RASA3: variants seen among roughly 807,000 people sequenced by gnomAD.
RASA3 encodes the protein ras GTPase-activating protein 3.
Under a neutral mutation model 110.0 loss-of-function variants are expected in RASA3, and 73 were observed. That is an observed-to-expected ratio of 0.66 (90% confidence interval 0.55 to 0.81). The LOEUF is 0.81. Among genes scored for constraint, RASA3 ranks in the 30% least tolerant of loss-of-function variants. The probability of loss-of-function intolerance (pLI) is 0.00; values close to 1 mark genes in which losing one functional copy is unlikely to be tolerated. For synonymous variants in RASA3, 500 were observed against 451.4 expected (o/e 1.11, Z -1.37); for missense variants, 976 against 1,113.2 (o/e 0.88, Z 1.75).
chr13:114,020,028 CTGT>C lies in RASA3; in HGVS notation c.786-1112_786-1110del, dbSNP rs1291076990. Among the ~76,000 whole-genome samples the C allele has an allele frequency of 5.1e-4, 22 of 42,882 alleles. 8 individuals carry two copies. Among genetic ancestry groups the C allele is most frequent in the African/African-American group, 6.7e-4 (3 of 4,466 alleles). 28.1% of individuals were successfully genotyped at this position (42,882 alleles called of 152,430 possible). On this transcript the variant is annotated intron_variant, in intron 9 of 23. Transcript: ENST00000334062. ...GCCTGTGTCCGAGGCATTAGCAGCCCTGTCAGGTGGGTGGAGCCTGTGTCCGAG... is the reference window on the plus strand; with the variant it reads ...GCCTGTGTCCGAGGCATTAGCAGCCCCAGGTGGGTGGAGCCTGTGTCCGAG...
At chr13:114,009,143 T>C (rs2053577270) in intron 17 of RASA3, among the ~76,000 whole-genome samples, 1 of 152,206 alleles carries the variant, frequency 6.6e-6, no homozygotes, top group Non-Finnish European at 1.5e-5. Flanking sequence ...CAGAACAAGA[T>C]GGGCGAGGGC....
intron 1 of RASA3, among the ~76,000 whole-genome samples, chr13:114,102,158 C>A (rs960675559): frequency 6.6e-6 from 1 of 152,196 alleles, no homozygotes; most frequent in Non-Finnish European, 1.5e-5. Context: ...AGAGTGTCTT[C>A]TTCCAGTGCC....
At chr13:114,111,613 G>T (rs111874764) in intron 1 of RASA3, among the ~76,000 whole-genome samples, 6 of 146,586 alleles carry the variant, frequency 4.1e-5, no homozygotes, top group African/African-American at 1.3e-4. Context: ...CGAGCTGCAG[G>T]CCGAGTTCTA....
intron 1 of RASA3, among the ~76,000 whole-genome samples, chr13:114,098,418 C>A (rs1594451008): frequency 6.6e-6 from 1 of 152,240 alleles, no homozygotes; most frequent in East Asian, 1.9e-4. Context: ...TGCACCAGAG[C>A]CATGGGGGAA....
intron 1 of RASA3, among the ~76,000 whole-genome samples, chr13:114,129,990 TAAAG>T (rs142010532): frequency 0.015 from 2,266 of 152,260 alleles, 40 homozygotes; most frequent in African/African-American, 0.047. Flanking sequence ...GAATGTGGAT[TAAAG>T]AAAGAGCCTG....
In RASA3 at chr13:114,014,861, C is replaced by A. The variant is rs2053753352; in HGVS notation, c.1405+348G>T. ...CAGGAAAATTCACATTCCACCCCGA[C>A]AAAGCCTGGCCACCCTTCCCGGCCC... On this transcript the variant is annotated intron_variant, in intron 14 of 23. Coordinates refer to ENST00000334062, the MANE Select transcript of RASA3 (RefSeq NM_007368.4). This position sits in a 1 kb window ranked among gnomAD's most constrained non-coding sequence, Gnocchi z 4.5. Among the ~76,000 whole-genome samples, 1 of 152,054 alleles carries A rather than the reference C, an allele frequency of 6.6e-6. No homozygotes were observed. Among genetic ancestry groups the A allele is most frequent in the African/African-American group, 2.4e-5 (1 of 41,386 alleles).
At chr13:114,121,426 TC>T (rs753064231) in intron 1 of RASA3, among the ~76,000 whole-genome samples, 30 of 152,144 alleles carry the variant, frequency 2.0e-4, no homozygotes, top group Admixed American at 4.6e-4. Context: ...CTGCCACGGA[TC>T]TCGGCTAAAG....
intron 12 of RASA3, 128 bp from the exon 13 acceptor site, chr13:114,016,399 C>T (rs2053792888): frequency 1.4e-6 from 1 of 717,362 alleles, no homozygotes; most frequent in South Asian, 1.5e-5. Context: ...CACGACAGCT[C>T]CCCGAACCCG....
intron 21 of RASA3, 63 bp downstream of exon 21, chr13:113,996,468 A>C: frequency 6.7e-7 from 1 of 1,495,390 alleles, no homozygotes; most frequent in African/African-American, 1.4e-5. Flanking sequence ...GTCCCTCCCT[A>C]CTCAGCCCCT....
At chr13:114,041,448 T>C (rs1185892379) in intron 3 of RASA3, among the ~76,000 whole-genome samples, 1 of 152,264 alleles carries the variant, frequency 6.6e-6, no homozygotes, top group African/African-American at 2.4e-5. Flanking sequence ...TTCCAGAGGC[T>C]TCGCTGTGAA....
intron 7 of RASA3, 40 bp from the exon 8 acceptor site, chr13:114,024,395 C>G (rs1272408236): frequency 1.3e-6 from 2 of 1,591,048 alleles, no homozygotes; most frequent in Non-Finnish European, 1.7e-6. Flanking sequence ...GACCGCGGTG[C>G]CACCAGGCGG....
intron 2 of RASA3, among the ~76,000 whole-genome samples, 193 bp downstream of exon 2, chr13:114,073,527 G>C (rs2079613904): frequency 6.7e-6 from 1 of 149,882 alleles, no homozygotes; most frequent in African/African-American, 2.5e-5. Context: ...AGGAAAACGG[G>C]ACGGTGACGT....
chr13:114,043,389 C>T (rs1253334218), intron 3 of RASA3, among the ~76,000 whole-genome samples: 1 of 152,146 alleles, frequency 6.6e-6, no homozygotes, highest in African/African-American at 2.4e-5. Flanking sequence ...CCGGCTGCAC[C>T]TCACACCATC....
At chr13:114,032,268 T>TC (rs1332291405) in intron 4 of RASA3, among the ~76,000 whole-genome samples, 1 of 151,940 alleles carries the variant, frequency 6.6e-6, no homozygotes, top group Admixed American at 6.6e-5. Context: ...CCAGGAGGGG[T>TC]CATGCCTGTG....
intron 16 of RASA3, 132 bp from the exon 17 acceptor site, chr13:114,009,596 G>A (rs944639537): frequency 6.0e-6 from 4 of 666,956 alleles, no homozygotes; most frequent in African/African-American, 5.5e-5. Context: ...GGTGTTACCG[G>A]GCAAGTGAGA....
At chr13:114,089,624 C>T (rs886753174) in intron 1 of RASA3, among the ~76,000 whole-genome samples, 2 of 152,222 alleles carry the variant, frequency 1.3e-5, no homozygotes, top group African/African-American at 4.8e-5. Context: ...GCACAGACAT[C>T]AGCCGCGCAC....
chr13:114,016,219 C>G lies in RASA3; in HGVS notation c.1259G>C (p.Gly420Ala). ...TACCATGTTGTTTTCAAGGTTTTCTCCGTCTTTCAACTTCACAGGGTCGAT... is the reference window on the plus strand; with the variant it reads ...TACCATGTTGTTTTCAAGGTTTTCTGCGTCTTTCAACTTCACAGGGTCGAT... ...CEIDPVKLKD[G>A]ENLENNMENL... The change falls in exon 13 of 24, where the codon GGA becomes GCA. Residue 420 changes from glycine (G) to alanine (A), a missense_variant. Gly to Ala is a moderately conservative substitution (Grantham distance 60). This residue lies in a region of RASA3 where 732 missense variants were observed against 779.7 expected (regional missense o/e 0.94). Transcript: ENST00000334062. 6.3e-7 allele frequency: 1 copy of G among 1,599,542 alleles called. No individual in the cohort carries two copies. Among genetic ancestry groups the G allele is most frequent in the Non-Finnish European group, 8.6e-7 (1 of 1,166,852 alleles).
chr13:113,979,382 G>T lies in RASA3; in HGVS notation c.2470C>A (p.Arg824=). 1 of 1,607,424 alleles carries T rather than the reference G, an allele frequency of 6.2e-7. No individual in the cohort carries two copies. Among genetic ancestry groups the T allele is most frequent in the South Asian group, 1.1e-5 (1 of 90,856 alleles). The part of the protein sequence containing the change: ...IGDKSFQNYI[R]QQSETSTHSI ...TGAGTGGAGGTCTCGGACTGCTGCC[G>T]GATGTAGTTCTGGAAGCTCTTGTCT... The change falls in exon 24 of 24, where the codon CGG becomes AGG. Residue 824 remains arginine, a synonymous_variant. Transcript: ENST00000334062.
In RASA3 at chr13:114,039,015, A is replaced by G. The variant is rs140307541; in HGVS notation, c.372+1985T>C. Among the ~76,000 whole-genome samples the G allele has an allele frequency of 4.0e-3, 615 of 152,350 alleles. 6 individuals carry two copies. The highest frequency in any genetic ancestry group is 4.8e-3 in the Admixed American group (74 of 15,308). On this transcript the variant is annotated intron_variant, in intron 4 of 23. Coordinates refer to ENST00000334062, the MANE Select transcript of RASA3 (RefSeq NM_007368.4). ...GATGCGCCAGGTGCCTTCGAGTGGC[A>G]CACACGCCATACCAGCACGCTTCAC... is the stretch of plus-strand genomic sequence containing the variant.
Sources: allele counts gnomAD v4.1 joint callset (sites outside exome capture counted in the v4.1 genomes callset), GRCh38; gene constraint gnomAD v4.1.1; regional missense constraint gnomAD v4.1.1; non-coding constraint Gnocchi (gnomAD v3.1); transcripts MANE v1.5; gene names NCBI Gene and HGNC (gene_info 2026-07-23, HGNC 2026-07-21).